The following CFAP20DC variants were observed in gnomAD, a reference collection of about 807,000 sequenced individuals.
The protein encoded by CFAP20DC is CFAP20 domain containing.
A neutral mutation model predicts 101.7 loss-of-function variants in CFAP20DC; 84 were observed. That is an observed-to-expected ratio of 0.83 (90% CI 0.69 to 0.99). The LOEUF is 0.99. CFAP20DC is among the 50% of genes least tolerant of loss of function. CFAP20DC has a pLI of 0.00. For missense variants in CFAP20DC, 1,007 were observed against 970.3 expected (o/e 1.04, Z -0.50); for synonymous variants, 359 against 351.2 (o/e 1.02, Z -0.25).
At chr3:58,814,450 A>T (rs1245419324) in intron 14 of CFAP20DC, among the ~76,000 whole-genome samples, 1 of 151,386 alleles carries the variant, frequency 6.6e-6, no homozygotes, top group Non-Finnish European at 1.5e-5. Flanking sequence ...CTGGCACAAG[A>T]CAGGGATGCC....
chr3:58,759,035 T>C (rs569216720), intron 15 of CFAP20DC, among the ~76,000 whole-genome samples: 75 of 152,332 alleles, frequency 4.9e-4, no homozygotes, highest in African/African-American at 1.7e-3. Context: ...TAATTTATAG[T>C]CCTTTGGGTA....
At chr3:58,752,782 G>C (rs1404342565) in intron 16 of CFAP20DC, among the ~76,000 whole-genome samples, 1 of 151,980 alleles carries the variant, frequency 6.6e-6, no homozygotes, top group Non-Finnish European at 1.5e-5. Flanking sequence ...CTCTCACTCT[G>C]AATTCTCCAT....
chr3:58,811,503 T>C (rs1375654757), intron 14 of CFAP20DC, among the ~76,000 whole-genome samples: 7 of 152,160 alleles, frequency 4.6e-5, no homozygotes, highest in Non-Finnish European at 5.9e-5. Flanking sequence ...GCTAGCCATA[T>C]GTAGAAAGTT....
chr3:58,910,450 T>C (rs1444257371), intron 6 of CFAP20DC, among the ~76,000 whole-genome samples: 3 of 152,024 alleles, frequency 2.0e-5, no homozygotes, highest in Non-Finnish European at 2.9e-5. Context: ...TCTTCTATCA[T>C]CTAACATTGC....
At chr3:59,036,142 T>C (rs1268627609) in intron 4 of CFAP20DC, among the ~76,000 whole-genome samples, 3 of 152,194 alleles carry the variant, frequency 2.0e-5, no homozygotes, top group African/African-American at 7.2e-5. Flanking sequence ...ATTGATGGAA[T>C]GTATCTCAAA....
chr3:58,834,452 A>G (rs1013885588), intron 13 of CFAP20DC, among the ~76,000 whole-genome samples: 2 of 152,204 alleles, frequency 1.3e-5, no homozygotes, highest in Non-Finnish European at 2.9e-5. Flanking sequence ...AAGCTTTAAT[A>G]TGTACTTCAT....
intron 4 of CFAP20DC, among the ~76,000 whole-genome samples, chr3:58,989,957 C>T (rs2092883903): frequency 6.6e-6 from 1 of 152,046 alleles, no homozygotes; most frequent in South Asian, 2.1e-4. Context: ...AAGAGTTAAT[C>T]CTGTGGATAA....
chr3:58,894,153 A>G lies in CFAP20DC; in HGVS notation c.551-9444T>C, dbSNP rs983101526. 3.3e-5 allele frequency among the ~76,000 whole-genome samples: 5 copies of G among 152,092 alleles called. No individual in the cohort carries two copies. The highest frequency in any genetic ancestry group is 1.2e-4 in the African/African-American group (5 of 41,434). The stretch of plus-strand genomic sequence containing the variant: ...ACTTGGGTGAGGACACAGCCAAACC[A>G]TATCATTCTCCCCTTGGCCCCTCCC... On this transcript the variant is annotated intron_variant, in intron 6 of 16. Transcript: ENST00000482387. The surrounding 1 kb of genome is among the most constrained non-coding windows in gnomAD (Gnocchi z 4.1).
Position 58,732,967 on chromosome 3 carries a change from C to T in CFAP20DC, c.198-15339G>A, listed in dbSNP as rs917647858. The stretch of plus-strand genomic sequence containing the variant: ...TATTTCTATAATTTCTTAACATAAT[C>T]TTATCCAATCATTAGAAAAACCTCA... On this transcript the variant is annotated intron_variant, in intron 3 of 3. Transcript: ENST00000486145. The surrounding 1 kb of genome is among the most constrained non-coding windows in gnomAD (Gnocchi z 5.4). Among the ~76,000 whole-genome samples, 1 of 152,208 alleles carries T rather than the reference C, an allele frequency of 6.6e-6. No homozygotes were observed. The highest frequency in any genetic ancestry group is 1.5e-5 in the Non-Finnish European group (1 of 68,034).
chr3:58,866,292 C>T (rs961671138), intron 11 of CFAP20DC, among the ~76,000 whole-genome samples: 1 of 152,208 alleles, frequency 6.6e-6, no homozygotes, highest in African/African-American at 2.4e-5. Context: ...AACTGGTCAT[C>T]TTTGGGGAGG....
At chr3:58,830,859 T>A (rs891992875) in intron 14 of CFAP20DC, among the ~76,000 whole-genome samples, 3 of 152,232 alleles carry the variant, frequency 2.0e-5, no homozygotes, top group African/African-American at 7.2e-5. Flanking sequence ...TTATCATTAT[T>A]ATACCAATGA....
At chr3:59,033,118 G>T (rs2094028708) in intron 4 of CFAP20DC, among the ~76,000 whole-genome samples, 1 of 152,144 alleles carries the variant, frequency 6.6e-6, no homozygotes. Context: ...CTGACTGTTA[G>T]AAGAAAAACT....
chr3:58,801,442 A>G (rs1483420955), intron 15 of CFAP20DC, among the ~76,000 whole-genome samples: 1 of 152,226 alleles, frequency 6.6e-6, no homozygotes, highest in East Asian at 1.9e-4. Context: ...AAGGAGGACT[A>G]TTTGTTAAAA....
At chr3:58,924,841 T>G (rs1004545419) in intron 5 of CFAP20DC, among the ~76,000 whole-genome samples, 1 of 152,174 alleles carries the variant, frequency 6.6e-6, no homozygotes, top group Non-Finnish European at 1.5e-5. Flanking sequence ...TGTGGAGGAT[T>G]TTTTTCATAT....
At chr3:58,808,621 T>A (rs1043903990) in intron 14 of CFAP20DC, among the ~76,000 whole-genome samples, 6 of 152,162 alleles carry the variant, frequency 3.9e-5, no homozygotes, top group Non-Finnish European at 5.9e-5. Flanking sequence ...TGCCAAATTG[T>A]AAAGACCATC....
rs756329489 is a variant in CFAP20DC at position 58,806,354 on chromosome 3, G to A, written c.2237+41C>T. The stretch of plus-strand genomic sequence containing the variant: ...GAAAAATGTACAATCTTCCAACTAA[G>A]TTTTTTTTTTTCTTAAATGTAGATT... On this transcript the variant is annotated intron_variant, in intron 15 of 16. Transcript: ENST00000482387. The A allele has an allele frequency of 4.5e-6, 5 of 1,120,858 alleles. No individual in the cohort carries two copies. In the Admixed American group the frequency reaches 6.1e-5, roughly 14 times the overall value. The allele number at this position is 1,120,858 out of a possible 1,614,324, so 69.4% of individuals were successfully genotyped here. A position where few individuals can be genotyped will look rare whatever the true frequency, so the allele number is the denominator to read the frequency against.
intron 14 of CFAP20DC, among the ~76,000 whole-genome samples, chr3:58,807,676 G>C (rs1416697997): frequency 1.3e-5 from 2 of 152,208 alleles, no homozygotes; most frequent in East Asian, 1.9e-4. Context: ...TCATCCAAAG[G>C]AACGCAGTTC....
In CFAP20DC at chr3:58,814,928, C is replaced by T. The variant is rs1390963150; in HGVS notation, c.2176-8472G>A. Among the ~76,000 whole-genome samples the T allele has an allele frequency of 1.5e-4, 23 of 150,670 alleles. 1 individual carries two copies. Among genetic ancestry groups the T allele is most frequent in the Non-Finnish European group, 2.8e-4 (19 of 67,684 alleles). On this transcript the variant is annotated intron_variant, in intron 14 of 16. Transcript: ENST00000482387. Reference sequence around the variant, plus strand: ...AATCAATATCGTGAAAATGGCCATACTGCCCAAGGTAATTTATAGATTCAA... The same window carrying T: ...AATCAATATCGTGAAAATGGCCATATTGCCCAAGGTAATTTATAGATTCAA...
At chr3:59,023,238 A>T (rs920105573) in intron 4 of CFAP20DC, among the ~76,000 whole-genome samples, 2 of 151,926 alleles carry the variant, frequency 1.3e-5, no homozygotes, top group Non-Finnish European at 2.9e-5. Context: ...TCAGTACAAT[A>T]CAAAATAACA....
Sources: gnomAD v4.1 joint callset for allele counts (sites outside exome capture counted in the v4.1 genomes callset) on GRCh38, gnomAD v4.1.1 for gene constraint, Gnocchi (gnomAD v3.1) non-coding constraint, MANE v1.5 for transcripts, NCBI Gene and HGNC (gene_info 2026-07-23, HGNC 2026-07-21) for gene names.